Variants in SLCO3A1 observed in about 807,000 individuals in gnomAD.
SLCO3A1 encodes PGE1 transporter.
A neutral mutation model predicts 63.1 loss-of-function variants in SLCO3A1; 27 were observed. That is an observed-to-expected ratio of 0.43 (90% CI 0.32 to 0.59). The LOEUF is 0.59. Ranked by LOEUF, SLCO3A1 falls within the 20% of genes least tolerant of loss-of-function variation. The pLI is 0.09. For missense variants in SLCO3A1, 773 were observed against 945.8 expected (o/e 0.82, Z 2.40); for synonymous variants, 473 against 409.9 (o/e 1.15, Z -1.86).
intron 2 of SLCO3A1, among the ~76,000 whole-genome samples, chr15:91,980,192 CAG>C (rs985503780): frequency 1.1e-4 from 17 of 152,238 alleles, no homozygotes; most frequent in African/African-American, 2.4e-4. Context: ...TCACATTTCT[CAG>C]GGGTTGGTGT....
At chr15:92,071,752 T>C (rs1390448508) in intron 2 of SLCO3A1, among the ~76,000 whole-genome samples, 4 of 152,160 alleles carry the variant, frequency 2.6e-5, no homozygotes, top group Non-Finnish European at 5.9e-5. Flanking sequence ...TCTCTTGGGC[T>C]CTCTGCATCC....
chr15:91,936,300 G>T (rs1021323414), intron 2 of SLCO3A1, among the ~76,000 whole-genome samples: 33 of 152,336 alleles, frequency 2.2e-4, no homozygotes, highest in African/African-American at 7.0e-4. Flanking sequence ...TTCGTCCTAT[G>T]ATCTGGAGCT....
At position 92,104,529 on chromosome 15, in the gene SLCO3A1, C is replaced by G; in HGVS notation, c.996C>G (p.Phe332Leu). Residue 332 changes from phenylalanine to leucine, a missense_variant, in exon 4 of 10, where the codon TTC (phenylalanine) becomes TTG (leucine). Around this residue, in one of 3 missense-constraint regions of SLCO3A1, gnomAD observed 565 missense variants for 749.8 expected, o/e 0.75. Transcript: ENST00000318445. ...PLEPDSSASC[F>L]QQLRVIPKVT... ...AGCCAGACAGCAGTGCCTCCTGTTT[C>G]CAGCAGCTGAGAGGTAAAGGTGGCC... 6.2e-7 allele frequency: 1 copy of G among 1,613,396 alleles called. No individual in the cohort carries two copies. The highest frequency in any genetic ancestry group is 8.5e-7 in the Non-Finnish European group (1 of 1,179,966).
intron 1 of SLCO3A1, among the ~76,000 whole-genome samples, chr15:91,879,519 G>T (rs1897497631): frequency 7.5e-6 from 1 of 133,662 alleles, no homozygotes; most frequent in South Asian, 3.4e-4. Flanking sequence ...TAGCTACTAT[G>T]ATGCCTATAC....
chr15:92,038,447 A>G (rs1359163971), intron 2 of SLCO3A1, among the ~76,000 whole-genome samples: 1 of 152,190 alleles, frequency 6.6e-6, no homozygotes, highest in African/African-American at 2.4e-5. Context: ...AAGCAATCCT[A>G]TACGCCAACA....
At position 91,956,960 on chromosome 15, in the gene SLCO3A1, T is replaced by TTA. The variant is rs1189669420; in HGVS notation, c.646+40517_646+40518dup. The stretch of plus-strand genomic sequence containing the variant: ...GCGCCACCATGCCTGGCTAATTTAT[T>TTA]TATATATATATATATAGTATATATA... On this transcript the variant is annotated intron_variant, in intron 2 of 9. Transcript: ENST00000318445. Among the ~76,000 whole-genome samples, 42 of 40,112 alleles carry TTA rather than the reference T, an allele frequency of 1.0e-3. No homozygotes were observed. In the East Asian group the frequency reaches 0.014, roughly 14 times the overall value. 26.3% of individuals were successfully genotyped at this position (40,112 alleles called of 152,430 possible).
Position 92,163,728 on chromosome 15 carries a change from C to T in SLCO3A1, c.*593C>T. ...TATGGGTCACTGTGTAGACGACTCACCCAGTCTGCATGTGGTTCAAGGCCC... is the reference window on the plus strand; with the variant it reads ...TATGGGTCACTGTGTAGACGACTCATCCAGTCTGCATGTGGTTCAAGGCCC... On this transcript the variant is annotated 3_prime_UTR_variant, in exon 10 of 10. Coordinates refer to ENST00000318445, the MANE Select transcript of SLCO3A1 (RefSeq NM_013272.4). 1.0e-6 allele frequency: 1 copy of T among 985,364 alleles called. No individual in the cohort carries two copies. The highest frequency in any genetic ancestry group is 1.2e-6 in the Non-Finnish European group (1 of 829,946). 61.0% of individuals were successfully genotyped at this position (985,364 alleles called of 1,614,324 possible). A position where few individuals can be genotyped will look rare whatever the true frequency, so the allele number is the denominator to read the frequency against.
intron 4 of SLCO3A1, among the ~76,000 whole-genome samples, chr15:92,107,345 C>T (rs2047678583): frequency 6.6e-6 from 1 of 152,216 alleles, no homozygotes; most frequent in Admixed American, 6.5e-5. Context: ...ACATTTTACA[C>T]ATGCCAGTGC....
chr15:92,051,044 C>T (rs1429139754), intron 2 of SLCO3A1, among the ~76,000 whole-genome samples: 1 of 152,214 alleles, frequency 6.6e-6, no homozygotes, highest in East Asian at 1.9e-4. Context: ...TTCTGCCCCA[C>T]GTCACTCTGT....
chr15:91,935,633 C>A (rs117373534), intron 2 of SLCO3A1, among the ~76,000 whole-genome samples: 376 of 152,262 alleles, frequency 2.5e-3, no homozygotes, highest in Non-Finnish European at 4.5e-3. Context: ...AATTTTCATG[C>A]AAGGTGGTAG....
At chr15:91,958,594 C>T (rs191528296) in intron 2 of SLCO3A1, among the ~76,000 whole-genome samples, 48 of 152,226 alleles carry the variant, frequency 3.2e-4, no homozygotes, top group African/African-American at 1.1e-3. Context: ...ATTTATTAGC[C>T]CTTATACTAC....
rs753280708 is a variant in SLCO3A1 at position 91,900,326 on chromosome 15, C to T, written c.181-15667C>T. ...ACGTGAATACTTTGTATTGTCTGTT[C>T]GTTTGTTTGTTTTTGTTTTTTGAGA... On this transcript the variant is annotated intron_variant, in intron 1 of 9. Transcript: ENST00000318445. The surrounding 1 kb of genome is among the most constrained non-coding windows in gnomAD (Gnocchi z 4.3). Among the ~76,000 whole-genome samples the T allele has an allele frequency of 3.3e-5, 5 of 151,992 alleles. No homozygotes were observed. Among genetic ancestry groups the T allele is most frequent in the Admixed American group, 6.6e-5 (1 of 15,224 alleles).
chr15:91,936,472 C>T (rs1385545491), intron 2 of SLCO3A1, among the ~76,000 whole-genome samples: 1 of 152,242 alleles, frequency 6.6e-6, no homozygotes, highest in Non-Finnish European at 1.5e-5. Context: ...GATTGTTGAA[C>T]ATTCCTGTCG....
rs754014062 is a variant in SLCO3A1 at position 91,916,360 on chromosome 15, C to T, written c.548C>T (p.Ala183Val). ...ATGATGTACTTGCTGCTCATTGGGG[C>T]CCAGGTGCTCCTGGGCATCGGTGCT... ...TNMMYLLLIG[A>V]QVLLGIGATP... The change falls in exon 2 of 10, where the codon GCC becomes GTC. Residue 183 changes from alanine to valine, a missense_variant. By Grantham distance (64) the Ala-to-Val change is moderately conservative. Coordinates refer to ENST00000318445, the MANE Select transcript of SLCO3A1 (RefSeq NM_013272.4). The surrounding 1 kb of genome is among the most constrained non-coding windows in gnomAD (Gnocchi z 6.2). 1.9e-6 allele frequency: 3 copies of T among 1,611,814 alleles called. No homozygotes were observed. Among genetic ancestry groups the T allele is most frequent in the Non-Finnish European group, 2.5e-6 (3 of 1,179,362 alleles).
At chr15:91,945,967 A>G (rs544715995) in intron 2 of SLCO3A1, among the ~76,000 whole-genome samples, 8 of 152,362 alleles carry the variant, frequency 5.3e-5, no homozygotes, top group African/African-American at 1.9e-4. Context: ...CACTTTCTCA[A>G]ACACTCATCC....
At chr15:92,156,204 A>T (rs2048369654) in intron 9 of SLCO3A1, among the ~76,000 whole-genome samples, 1 of 152,264 alleles carries the variant, frequency 6.6e-6, no homozygotes, top group Non-Finnish European at 1.5e-5. Flanking sequence ...AAGCAAGCAC[A>T]GCATGCCCAG....
intron 2 of SLCO3A1, among the ~76,000 whole-genome samples, chr15:92,070,447 A>C (rs1222814069): frequency 6.6e-6 from 1 of 152,208 alleles, no homozygotes. Context: ...ACTCGAGACC[A>C]GCCTGGCCCA....
intron 2 of SLCO3A1, among the ~76,000 whole-genome samples, chr15:92,089,163 A>T (rs868303649): frequency 5.9e-5 from 9 of 151,814 alleles, no homozygotes; most frequent in Non-Finnish European, 1.2e-4. Flanking sequence ...GTAGCTGTTG[A>T]CTACAGGCAC....
chr15:91,921,391 A>G (rs186689427), intron 2 of SLCO3A1, among the ~76,000 whole-genome samples: 10 of 152,328 alleles, frequency 6.6e-5, no homozygotes, highest in East Asian at 3.9e-4. Flanking sequence ...GCTTCAATAT[A>G]TGAATCTGGG....
Sources: allele counts gnomAD v4.1 joint callset (sites outside exome capture counted in the v4.1 genomes callset), GRCh38; gene constraint gnomAD v4.1.1; regional missense constraint gnomAD v4.1.1; non-coding constraint Gnocchi (gnomAD v3.1); transcripts MANE v1.5; gene names NCBI Gene and HGNC (gene_info 2026-07-23, HGNC 2026-07-21).